Variants in ELP3 observed in about 807,000 individuals in gnomAD.
ELP3 encodes elongator acetyltransferase complex subunit 3, also known as elongator complex protein 3.
Under a neutral mutation model 74.9 loss-of-function variants are expected in ELP3, and 56 were observed. The ratio of observed to expected loss-of-function variants is 0.75; its 90% CI spans 0.60 to 0.93. ELP3 has a LOEUF of 0.93. Among genes scored for constraint, ELP3 ranks in the 40% least tolerant of loss-of-function variants. The pLI is 0.00. For synonymous variants in ELP3, 222 were observed against 239.8 expected (o/e 0.93, Z 0.68); for missense variants, 573 against 686.5 (o/e 0.83, Z 1.85).
intron 13 of ELP3, 87 bp downstream of exon 13, chr8:28,160,543 A>G: frequency 1.7e-6 from 2 of 1,163,178 alleles, no homozygotes. Flanking sequence ...GAAGAGGAAG[A>G]GGCAGAGGAG....
At chr8:28,158,317 A>G (rs1222095243) in intron 11 of ELP3, among the ~76,000 whole-genome samples, 2 of 152,094 alleles carry the variant, frequency 1.3e-5, no homozygotes, top group African/African-American at 4.8e-5. Context: ...CGAATTCTAA[A>G]TTTATTTTAA....
At chr8:28,102,403 A>G (rs1371030916) in intron 3 of ELP3, among the ~76,000 whole-genome samples, 4 of 152,128 alleles carry the variant, frequency 2.6e-5, no homozygotes, top group Admixed American at 6.5e-5. Context: ...TTTGGCCTTT[A>G]TTATTTCTTG....
chr8:28,185,491 C>G (rs1815200647), intron 14 of ELP3, among the ~76,000 whole-genome samples: 1 of 152,224 alleles, frequency 6.6e-6, no homozygotes. Flanking sequence ...CTTTAAAGAG[C>G]TGACATCCTA....
At chr8:28,141,550 G>C (rs1489905295) in intron 10 of ELP3, among the ~76,000 whole-genome samples, 1 of 152,180 alleles carries the variant, frequency 6.6e-6, no homozygotes, top group East Asian at 1.9e-4. Context: ...AAGCATCCAT[G>C]TTAACTTCCT....
chr8:28,152,179 T>C (rs546426321), intron 10 of ELP3, among the ~76,000 whole-genome samples: 1 of 152,332 alleles, frequency 6.6e-6, no homozygotes, highest in African/African-American at 2.4e-5. Flanking sequence ...TCCCCTCTTA[T>C]AGGTCCAGAA....
intron 7 of ELP3, among the ~76,000 whole-genome samples, chr8:28,117,037 G>T (rs548624870): frequency 6.6e-6 from 1 of 152,242 alleles, no homozygotes; most frequent in African/African-American, 2.4e-5. Flanking sequence ...TTCTCTGCAA[G>T]CTTATATACT....
chr8:28,114,223 A>G (rs1248636162), intron 7 of ELP3, among the ~76,000 whole-genome samples: 2 of 151,880 alleles, frequency 1.3e-5, no homozygotes, highest in Non-Finnish European at 2.9e-5. Context: ...GAGTTAGGCC[A>G]ACAGCAAGAA....
chr8:28,154,027 C>T (rs753330094), intron 10 of ELP3, among the ~76,000 whole-genome samples: 8 of 152,168 alleles, frequency 5.3e-5, no homozygotes, highest in Non-Finnish European at 1.0e-4. Context: ...AAGTGTAGTC[C>T]TGAGATGCTA....
chr8:28,102,373 A>C (rs1044662981), intron 3 of ELP3, among the ~76,000 whole-genome samples: 1 of 152,110 alleles, frequency 6.6e-6, no homozygotes, highest in Non-Finnish European at 1.5e-5. Context: ...TTCCGTTCCT[A>C]CTGCCACTGG....
intron 14 of ELP3, among the ~76,000 whole-genome samples, chr8:28,177,347 T>C (rs3857878): frequency 0.5 from 75,707 of 152,158 alleles, 19,398 homozygotes; most frequent in Middle Eastern, 0.6. Flanking sequence ...TGTACATTGT[T>C]GAAGAGTAAA....
chr8:28,093,121 C>T, upstream of ELP3: 2 of 1,574,190 alleles, frequency 1.3e-6, no homozygotes, highest in African/African-American at 1.3e-5. Context: ...CATTTTACGA[C>T]AGGCGGGATT....
At position 28,117,786 on chromosome 8, in the gene ELP3, T is replaced by C. The variant is rs77348294; in HGVS notation, c.617+4613T>C. Among the ~76,000 whole-genome samples the C allele has an allele frequency of 1.4e-3, 211 of 152,376 alleles. 1 individual carries two copies. The highest frequency in any genetic ancestry group is 2.5e-3 in the Non-Finnish European group (173 of 68,036). ...TTGTTGCTTTGTTAAGGTAAAGTTTTACTACAAACCCCTCATAATAGAGTT... is the reference window on the plus strand; with the variant it reads ...TTGTTGCTTTGTTAAGGTAAAGTTTCACTACAAACCCCTCATAATAGAGTT... On this transcript the variant is annotated intron_variant, in intron 7 of 14. Transcript: ENST00000256398.
chr8:28,102,694 A>G (rs1012895381), intron 3 of ELP3, among the ~76,000 whole-genome samples: 2 of 152,210 alleles, frequency 1.3e-5, no homozygotes, highest in African/African-American at 4.8e-5. Flanking sequence ...TATTATTAAT[A>G]TCTTGCATTG....
chr8:28,122,425 G>T (rs1003132018), intron 7 of ELP3, among the ~76,000 whole-genome samples: 1 of 152,092 alleles, frequency 6.6e-6, no homozygotes, highest in African/African-American at 2.4e-5. Context: ...ACTATCTAGG[G>T]CTGGAATTTT....
At chr8:28,123,542 G>A (rs921823259) in intron 7 of ELP3, among the ~76,000 whole-genome samples, 2 of 152,162 alleles carry the variant, frequency 1.3e-5, no homozygotes, top group African/African-American at 2.4e-5. Context: ...CAAGATGGTT[G>A]GTAGTAGTGT....
chr8:28,164,523 T>C (rs577847370), intron 14 of ELP3, among the ~76,000 whole-genome samples: 3 of 152,258 alleles, frequency 2.0e-5, no homozygotes, highest in African/African-American at 7.2e-5. Flanking sequence ...CTTGGGACTC[T>C]AGTGAGTTCA....
intron 13 of ELP3, among the ~76,000 whole-genome samples, chr8:28,161,309 C>T (rs1304310257): frequency 1.3e-5 from 2 of 152,156 alleles, no homozygotes; most frequent in East Asian, 1.9e-4. Flanking sequence ...AGTGGTGGCT[C>T]ACGCCTGTAA....
At chr8:28,127,476 G>A (rs772338930) in intron 7 of ELP3, among the ~76,000 whole-genome samples, 1 of 151,764 alleles carries the variant, frequency 6.6e-6, no homozygotes, top group Non-Finnish European at 1.5e-5. Context: ...TTGCTTTCTG[G>A]GGTTTTTTGG....
Position 28,106,808 on chromosome 8 carries a change from T to A in ELP3, c.329+25T>A, listed in dbSNP as rs1306682565. On this transcript the variant is annotated intron_variant, in intron 4 of 14. Coordinates refer to ENST00000256398, the MANE Select transcript of ELP3 (RefSeq NM_018091.6). ...TGTAAGTATGGTGATTTTATTAAAT[T>A]GTATGTATGTTTTAATTAAGCTAAA... is the stretch of plus-strand genomic sequence containing the variant. The A allele has an allele frequency of 3.2e-6, 5 of 1,581,228 alleles. No individual in the cohort carries two copies. In the Admixed American group the frequency reaches 6.7e-5, roughly 21 times the overall value.
Sources: gnomAD v4.1 joint callset for allele counts (sites outside exome capture counted in the v4.1 genomes callset) on GRCh38, gnomAD v4.1.1 for gene constraint, MANE v1.5 for transcripts, NCBI Gene and HGNC (gene_info 2026-07-23, HGNC 2026-07-21) for gene names.